The following SPAG16 variants were observed in gnomAD, a reference collection of about 807,000 sequenced individuals.
SPAG16 encodes sperm-associated antigen 16 protein.
In SPAG16, 86 loss-of-function variants were observed where a neutral mutation model predicts 80.4. The ratio of observed to expected loss-of-function variants is 1.07; its 90% CI spans 0.90 to 1.28. SPAG16 has a LOEUF of 1.28. Among genes scored for constraint, SPAG16 ranks in the 50% most tolerant of loss-of-function variants. The pLI is 0.00. For missense variants in SPAG16, 870 were observed against 765.3 expected, an observed-to-expected ratio of 1.14 and a Z score of -1.61; for synonymous variants, 294 against 265.9, an observed-to-expected ratio of 1.11 and a Z score of -1.03.
chr2:213,718,697 G>A (rs1286591519), intron 10 of SPAG16, among the ~76,000 whole-genome samples: 2 of 152,182 alleles, frequency 1.3e-5, no homozygotes, highest in African/African-American at 2.4e-5. Flanking sequence ...CGCTGTGCTC[G>A]ATTTCTCGTG....
At chr2:213,979,528 A>G (rs1490783452) in intron 12 of SPAG16, among the ~76,000 whole-genome samples, 1 of 152,138 alleles carries the variant, frequency 6.6e-6, no homozygotes, top group African/African-American at 2.4e-5. Flanking sequence ...CCTTCTTCTC[A>G]GGGCAGCAGG....
intron 15 of SPAG16, among the ~76,000 whole-genome samples, chr2:214,200,114 G>C (rs893974267): frequency 2.6e-5 from 4 of 151,968 alleles, no homozygotes; most frequent in Non-Finnish European, 5.9e-5. Flanking sequence ...TTGTCTGATT[G>C]CCTAGCCAGG....
chr2:214,166,302 C>T (rs1402289003), intron 15 of SPAG16, among the ~76,000 whole-genome samples: 1 of 152,190 alleles, frequency 6.6e-6, no homozygotes, highest in Non-Finnish European at 1.5e-5. Flanking sequence ...CCTCTATTCC[C>T]TGGGAGGCTG....
intron 13 of SPAG16, among the ~76,000 whole-genome samples, chr2:214,041,998 A>G (rs1474533976): frequency 2.3e-5 from 3 of 129,930 alleles, no homozygotes; most frequent in African/African-American, 8.7e-5. Flanking sequence ...ATATATATAT[A>G]TATATATATA....
chr2:213,851,970 A>G (rs1310124117), intron 10 of SPAG16, among the ~76,000 whole-genome samples: 1 of 152,210 alleles, frequency 6.6e-6, no homozygotes, highest in Non-Finnish European at 1.5e-5. Context: ...AAGTATTAAG[A>G]TTTCATCTTT....
chr2:214,393,408 A>G (rs1701196065), intron 15 of SPAG16, among the ~76,000 whole-genome samples: 2 of 152,120 alleles, frequency 1.3e-5, no homozygotes, highest in South Asian at 4.1e-4. Context: ...TTATTTTTTA[A>G]TGTTAGACTA....
chr2:213,622,019 A>T (rs2061805936), intron 10 of SPAG16, among the ~76,000 whole-genome samples: 6 of 152,158 alleles, frequency 3.9e-5, no homozygotes, highest in Admixed American at 3.9e-4. Context: ...GCTGGAGCCC[A>T]GTCTCTCATG....
At chr2:214,192,723 G>A (rs2057701830) in intron 15 of SPAG16, among the ~76,000 whole-genome samples, 1 of 151,882 alleles carries the variant, frequency 6.6e-6, no homozygotes, top group Non-Finnish European at 1.5e-5. Flanking sequence ...TTCATACACT[G>A]TATCTTCTGG....
chr2:213,291,838 T>C (rs976994329), intron 1 of SPAG16, among the ~76,000 whole-genome samples: 1 of 152,234 alleles, frequency 6.6e-6, no homozygotes, highest in Non-Finnish European at 1.5e-5. Flanking sequence ...TTCTTCATTT[T>C]TAATTTAGAG....
intron 15 of SPAG16, among the ~76,000 whole-genome samples, chr2:214,310,717 G>A (rs1695238254): frequency 1.3e-5 from 2 of 152,154 alleles, no homozygotes. Flanking sequence ...CTATCTCAGG[G>A]TTCATGGCCT....
chr2:213,525,122 G>A (rs1015043579), intron 10 of SPAG16, among the ~76,000 whole-genome samples: 6 of 151,998 alleles, frequency 3.9e-5, no homozygotes, highest in Non-Finnish European at 8.8e-5. Context: ...TACAACATCT[G>A]ATGTTTGTAT....
At chr2:213,676,596 T>A (rs967544940) in intron 10 of SPAG16, among the ~76,000 whole-genome samples, 141 of 152,110 alleles carry the variant, frequency 9.3e-4, no homozygotes, top group Non-Finnish European at 1.7e-3. Context: ...GCATGAAGGG[T>A]TGTTGAATTT....
intron 10 of SPAG16, among the ~76,000 whole-genome samples, chr2:213,529,038 G>A (rs569831478): frequency 2.0e-5 from 3 of 152,216 alleles, no homozygotes; most frequent in Admixed American, 2.0e-4. Flanking sequence ...GATTTAAGTT[G>A]AGCTTCAGAT....
Position 213,617,620 on chromosome 2 carries a change from C to A in SPAG16, c.1070+127530C>A, listed in dbSNP as rs376910920. Reference sequence around the variant, plus strand: ...GCCTACAAAGTGCTGAGATTACAGGCGTGAGCCACTATGCCCGGCCCAAAA... The same window carrying A: ...GCCTACAAAGTGCTGAGATTACAGGAGTGAGCCACTATGCCCGGCCCAAAA... On this transcript the variant is annotated intron_variant, in intron 10 of 15. Transcript: ENST00000331683. Among the ~76,000 whole-genome samples, 9 of 152,194 alleles carry A rather than the reference C, an allele frequency of 5.9e-5. No individual in the cohort carries two copies. In the South Asian group the frequency reaches 1.9e-3, roughly 32 times the overall value.
intron 10 of SPAG16, among the ~76,000 whole-genome samples, chr2:213,535,804 T>G (rs530251043): frequency 1.1e-4 from 16 of 152,280 alleles, no homozygotes; most frequent in Admixed American, 1.0e-3. Flanking sequence ...AACTGTAACC[T>G]TGACCACATT....
intron 9 of SPAG16, among the ~76,000 whole-genome samples, chr2:213,394,116 C>T (rs1020468987): frequency 4.7e-4 from 71 of 152,088 alleles, no homozygotes; most frequent in African/African-American, 1.7e-3. Flanking sequence ...TATGATAGCA[C>T]TTACTGTCAT....
intron 10 of SPAG16, among the ~76,000 whole-genome samples, chr2:213,670,605 T>C (rs2063780636): frequency 6.6e-6 from 1 of 152,134 alleles, no homozygotes; most frequent in Non-Finnish European, 1.5e-5. Flanking sequence ...ATGTTTCAAA[T>C]GTCTTAGGAA....
intron 9 of SPAG16, among the ~76,000 whole-genome samples, chr2:213,411,939 A>G (rs2068991698): frequency 2.6e-5 from 4 of 152,330 alleles, no homozygotes; most frequent in Admixed American, 2.6e-4. Context: ...TAAAGAATAC[A>G]AGGGGAAGGA....
intron 10 of SPAG16, among the ~76,000 whole-genome samples, chr2:213,738,851 C>T (rs919270274): frequency 1.3e-5 from 2 of 152,134 alleles, no homozygotes; most frequent in African/African-American, 4.8e-5. Context: ...GGGTTTGGAA[C>T]AGACATATCT....
Sources: gnomAD v4.1 joint callset for allele counts (sites outside exome capture counted in the v4.1 genomes callset) on GRCh38, gnomAD v4.1.1 for gene constraint, MANE v1.5 for transcripts, NCBI Gene and HGNC (gene_info 2026-07-23, HGNC 2026-07-21) for gene names.